The following RORA variants were observed in gnomAD, a reference collection of about 807,000 sequenced individuals.
RORA encodes the protein RAR related orphan receptor A.
RORA carries 7 observed loss-of-function variants against 69.5 expected under a neutral mutation model. The ratio of observed to expected loss-of-function variants is 0.10; its 90% confidence interval spans 0.06 to 0.19. RORA has a LOEUF of 0.19. Ranked by LOEUF, RORA falls within the 10% of genes least tolerant of loss-of-function variation. The probability of loss-of-function intolerance (pLI) is 1.00; values close to 1 mark genes in which losing one functional copy is unlikely to be tolerated. For missense variants in RORA, 457 were observed against 663.0 expected, an observed-to-expected ratio of 0.69 and a Z score of 3.41; for synonymous variants, 261 against 240.8, an observed-to-expected ratio of 1.08 and a Z score of -0.78.
intron 1 of RORA, among the ~76,000 whole-genome samples, chr15:60,852,645 A>G (rs968987931): frequency 6.6e-6 from 1 of 152,234 alleles, no homozygotes; most frequent in Non-Finnish European, 1.5e-5. Flanking sequence ...AGCAAATAAT[A>G]AAGAACTAAG....
intron 2 of RORA, among the ~76,000 whole-genome samples, chr15:60,621,394 C>T (rs988901098): frequency 1.3e-5 from 2 of 152,040 alleles, no homozygotes; most frequent in Non-Finnish European, 2.9e-5. Flanking sequence ...TAAATTGTTG[C>T]TATATAACAT....
At chr15:60,679,873 A>G (rs796980025) in intron 1 of RORA, among the ~76,000 whole-genome samples, 31 of 152,238 alleles carry the variant, frequency 2.0e-4, no homozygotes, top group African/African-American at 6.7e-4. Context: ...GCCCAACTCA[A>G]ATTCTTCTCC....
At chr15:60,743,939 A>G (rs767645584) in intron 1 of RORA, among the ~76,000 whole-genome samples, 4 of 152,216 alleles carry the variant, frequency 2.6e-5, no homozygotes, top group Non-Finnish European at 5.9e-5. Context: ...AAGAATAAAA[A>G]GAAGCAAGAC....
chr15:61,206,372 T>G (rs2079941662), intron 1 of RORA, among the ~76,000 whole-genome samples: 1 of 152,212 alleles, frequency 6.6e-6, no homozygotes, highest in Admixed American at 6.5e-5. Flanking sequence ...AAGTATTTAT[T>G]CATCAGCTAC....
chr15:60,821,066 G>T (rs958108571), intron 1 of RORA, among the ~76,000 whole-genome samples: 2 of 151,466 alleles, frequency 1.3e-5, no homozygotes, highest in South Asian at 4.2e-4. Context: ...CCTATGCCAG[G>T]TGTCACCAAT....
intron 2 of RORA, among the ~76,000 whole-genome samples, chr15:60,628,947 C>T (rs1442061753): frequency 6.6e-6 from 1 of 152,168 alleles, no homozygotes; most frequent in Non-Finnish European, 1.5e-5. Flanking sequence ...TTTTAGTTCT[C>T]AAGCACAAGG....
At chr15:61,017,034 CATTG>C (rs1298757930) in intron 1 of RORA, among the ~76,000 whole-genome samples, 2 of 152,092 alleles carry the variant, frequency 1.3e-5, no homozygotes, top group African/African-American at 4.8e-5. Context: ...TTATTATTAT[CATTG>C]ATTACCATTA....
intron 1 of RORA, among the ~76,000 whole-genome samples, chr15:60,863,815 T>C (rs1243924047): frequency 2.0e-5 from 3 of 152,118 alleles, no homozygotes; most frequent in East Asian, 3.9e-4. Context: ...ATCTTTTTTT[T>C]TTTTTTTTTG....
At chr15:61,221,003 T>A (rs939528196) in intron 1 of RORA, among the ~76,000 whole-genome samples, 1 of 152,214 alleles carries the variant, frequency 6.6e-6, no homozygotes, top group African/African-American at 2.4e-5. Flanking sequence ...ATCCTTCTTA[T>A]CTTTCCCCCA....
At chr15:60,679,632 A>G (rs2070611566) in intron 1 of RORA, among the ~76,000 whole-genome samples, 1 of 152,090 alleles carries the variant, frequency 6.6e-6, no homozygotes, top group African/African-American at 2.4e-5. Context: ...TTATTAAGGG[A>G]ACTATTTAAC....
intron 1 of RORA, among the ~76,000 whole-genome samples, chr15:60,764,479 T>C (rs1387371014): frequency 6.6e-6 from 1 of 151,378 alleles, no homozygotes; most frequent in East Asian, 1.9e-4. Context: ...ATGTTTGGAG[T>C]GAGTTTTTTT....
Position 60,579,930 on chromosome 15 carries a change from T to C in RORA, c.197-48079A>G, listed in dbSNP as rs533428865. Among the ~76,000 whole-genome samples the C allele has an allele frequency of 2.6e-5, 4 of 152,306 alleles. No homozygotes were observed. In the East Asian group the frequency reaches 7.7e-4, roughly 29 times the overall value. On this transcript the variant is annotated intron_variant, in intron 2 of 10. Transcript: ENST00000335670. ...CACAGTTGTGTTTATTAGGTCTCCCTAGAGCCTTGAGAAAGCTGCTTTGTA... is the reference window on the plus strand; with the variant it reads ...CACAGTTGTGTTTATTAGGTCTCCCCAGAGCCTTGAGAAAGCTGCTTTGTA...
intron 1 of RORA, among the ~76,000 whole-genome samples, chr15:60,877,853 A>G (rs1038963078): frequency 1.3e-5 from 2 of 152,210 alleles, no homozygotes; most frequent in Non-Finnish European, 2.9e-5. Flanking sequence ...TTTGCAGAAA[A>G]TGGTAAAATT....
At chr15:60,990,176 A>C (rs984290836) in intron 1 of RORA, among the ~76,000 whole-genome samples, 1 of 152,200 alleles carries the variant, frequency 6.6e-6, no homozygotes, top group African/African-American at 2.4e-5. Flanking sequence ...TAAAAGCTCC[A>C]ATTATGCCCT....
intron 1 of RORA, among the ~76,000 whole-genome samples, chr15:60,726,350 C>A (rs1360012937): frequency 1.3e-5 from 2 of 152,054 alleles, no homozygotes; most frequent in Non-Finnish European, 2.9e-5. Flanking sequence ...GAAATGTCTG[C>A]GTTCTTTGTT....
At chr15:61,168,560 T>C (rs1201507514) in intron 1 of RORA, among the ~76,000 whole-genome samples, 1 of 152,082 alleles carries the variant, frequency 6.6e-6, no homozygotes, top group East Asian at 1.9e-4. Flanking sequence ...TGCCTGGCCC[T>C]TGTATTATAT....
At chr15:60,732,306 A>G (rs1391926963) in intron 1 of RORA, among the ~76,000 whole-genome samples, 1 of 152,240 alleles carries the variant, frequency 6.6e-6, no homozygotes, top group Non-Finnish European at 1.5e-5. Context: ...TTGTTGGATT[A>G]TATAAGATGG....
intron 1 of RORA, among the ~76,000 whole-genome samples, chr15:61,086,900 C>T (rs1020838251): frequency 3.9e-5 from 6 of 152,140 alleles, no homozygotes; most frequent in East Asian, 1.9e-4. Context: ...GGGCAGGGTG[C>T]GGTGGTTCAC....
At chr15:60,592,115 GCGGACCCAAGAGA>G (rs144071318) in intron 2 of RORA, among the ~76,000 whole-genome samples, 5,807 of 152,008 alleles carry the variant, frequency 0.038, 355 homozygotes, top group African/African-American at 0.13. Flanking sequence ...CCGGTGCCAA[GCGGACCCAAGAGA>G]CTGACAGGAG....
Sources: allele counts gnomAD v4.1 joint callset (sites outside exome capture counted in the v4.1 genomes callset), GRCh38; gene constraint gnomAD v4.1.1; transcripts MANE v1.5; gene names NCBI Gene and HGNC (gene_info 2026-07-23, HGNC 2026-07-21).